PKHD1: variants seen among roughly 807,000 people sequenced by gnomAD.
The protein encoded by PKHD1 is PKHD1 ciliary IPT domain containing fibrocystin/polyductin, also known as fibrocystin.
PKHD1 carries 291 observed loss-of-function variants against 412.0 expected under a neutral mutation model. The observed-to-expected ratio is 0.71, with a 90% confidence interval of 0.64 to 0.78. PKHD1 has a LOEUF of 0.78. Among genes scored for constraint, PKHD1 ranks in the 30% least tolerant of loss-of-function variants. The pLI is 0.00. For synonymous variants in PKHD1, 1,777 were observed against 1,821.5 expected, an observed-to-expected ratio of 0.98 and a Z score of 0.62; for missense variants, 4,825 against 4,950.7, an observed-to-expected ratio of 0.97 and a Z score of 0.76.
At chr6:52,082,272 TAAC>T (rs754251225) in intron 4 of PKHD1, 117 bp downstream of exon 4, 165 of 1,017,616 alleles carry the variant, frequency 1.6e-4, no homozygotes, top group Non-Finnish European at 2.3e-4. Context: ...AAACTTTTTT[TAAC>T]AACTATGGCT....
intron 37 of PKHD1, among the ~76,000 whole-genome samples, chr6:51,915,938 A>G (rs1270268809): frequency 6.6e-6 from 1 of 152,104 alleles, no homozygotes; most frequent in Non-Finnish European, 1.5e-5. Context: ...GGCCTCAGAC[A>G]GTAAAATTTT....
At chr6:51,627,482 ATTATG>A (rs1366315851) in intron 65 of PKHD1, among the ~76,000 whole-genome samples, 2 of 151,912 alleles carry the variant, frequency 1.3e-5, no homozygotes, top group Non-Finnish European at 2.9e-5. Context: ...TTCTTGATAT[ATTATG>A]TTAAATGGCT....
At chr6:51,671,903 G>A (rs1004733040) in intron 60 of PKHD1, among the ~76,000 whole-genome samples, 36 of 152,258 alleles carry the variant, frequency 2.4e-4, no homozygotes, top group African/African-American at 3.9e-4. Flanking sequence ...TAGTCTGCCC[G>A]TTCTCAGATC....
intron 65 of PKHD1, 51 bp downstream of exon 65, chr6:51,632,514 T>C: frequency 1.4e-6 from 2 of 1,472,664 alleles, no homozygotes; most frequent in Non-Finnish European, 1.9e-6. Context: ...TTATGTATGA[T>C]GACTTTTTTT....
intron 55 of PKHD1, among the ~76,000 whole-genome samples, chr6:51,768,718 A>G (rs1360034500): frequency 1.3e-5 from 2 of 151,790 alleles, no homozygotes; most frequent in Admixed American, 6.6e-5. Flanking sequence ...AATAATATTT[A>G]ATGATTGTTG....
intron 36 of PKHD1, among the ~76,000 whole-genome samples, chr6:51,943,810 C>T (rs1165068393): frequency 1.3e-5 from 2 of 151,528 alleles, no homozygotes; most frequent in Non-Finnish European, 3.0e-5. Context: ...ACAAAACCTT[C>T]CTTCAGCTTA....
At chr6:52,013,981 C>T (rs942841294) in intron 34 of PKHD1, among the ~76,000 whole-genome samples, 1 of 152,222 alleles carries the variant, frequency 6.6e-6, no homozygotes, top group Non-Finnish European at 1.5e-5. Context: ...GCACTAAGCA[C>T]ACTGCATCAG....
intron 55 of PKHD1, among the ~76,000 whole-genome samples, chr6:51,755,439 C>T (rs1474796010): frequency 6.6e-6 from 1 of 152,100 alleles, no homozygotes. Context: ...GTGTCACTTA[C>T]CAGCTGTGTG....
chr6:52,002,652 A>G (rs984471378), intron 35 of PKHD1, among the ~76,000 whole-genome samples: 3 of 152,082 alleles, frequency 2.0e-5, no homozygotes, highest in African/African-American at 7.2e-5. Context: ...GATGCACACT[A>G]AGTGGGTCTA....
At chr6:52,007,564 T>A (rs1035752937) in intron 35 of PKHD1, among the ~76,000 whole-genome samples, 4 of 152,178 alleles carry the variant, frequency 2.6e-5, no homozygotes, top group Non-Finnish European at 4.4e-5. Context: ...CAAGCCCAGG[T>A]AGGGTAATCA....
intron 52 of PKHD1, among the ~76,000 whole-genome samples, chr6:51,823,033 T>C (rs1257013361): frequency 6.6e-6 from 1 of 152,072 alleles, no homozygotes. Context: ...TAAGAAATAG[T>C]TGTAAACTGC....
In PKHD1 at chr6:52,027,888, A is replaced by G; in HGVS notation, c.3569T>C (p.Leu1190Pro). 6.2e-7 allele frequency: 1 copy of G among 1,612,520 alleles called. No homozygotes were observed. Among genetic ancestry groups the G allele is most frequent in the Non-Finnish European group, 8.5e-7 (1 of 1,178,498 alleles). The change falls in exon 31 of 67, where the codon CTC (leucine) becomes CCC (proline). Residue 1190 changes from leucine (L) to proline (P), a missense_variant. Physicochemically the swap from Leu to Pro is moderately conservative, Grantham distance 98. Coordinates refer to ENST00000371117, the MANE Select transcript of PKHD1 (RefSeq NM_138694.4). Reference sequence around the variant, plus strand: ...AACTTCTGTGAGGTACTGGATGTGGAGATCAACCCTACAGAAGATAGGCAG... The same window carrying G: ...AACTTCTGTGAGGTACTGGATGTGGGGATCAACCCTACAGAAGATAGGCAG... The part of the protein sequence containing the change: ...GVSIHSQGVD[L>P]HIQYLTEVFS...
At chr6:51,626,882 A>G in intron 66 of PKHD1, 115 bp downstream of exon 66, 2 of 1,042,788 alleles carry the variant, frequency 1.9e-6, no homozygotes, top group Non-Finnish European at 3.0e-6. Flanking sequence ...AGTAACAAAG[A>G]CTAAGAAGGG....
chr6:51,837,480 G>A (rs907104040), intron 50 of PKHD1, among the ~76,000 whole-genome samples: 2 of 152,162 alleles, frequency 1.3e-5, no homozygotes, highest in Non-Finnish European at 1.5e-5. Context: ...GCTGAGGTGG[G>A]TGGATCACTT....
In PKHD1 at chr6:52,045,214, G is replaced by A. The variant is rs559980841; in HGVS notation, c.2593-126C>T. On this transcript the variant is annotated intron_variant, in intron 24 of 66. Coordinates refer to ENST00000371117, the MANE Select transcript of PKHD1 (RefSeq NM_138694.4). ...CAGACAGCTAGAAAGTGAAAGCAGAGTAACAGAGAATTGAAATATAGAAAC... is the reference window on the plus strand; with the variant it reads ...CAGACAGCTAGAAAGTGAAAGCAGAATAACAGAGAATTGAAATATAGAAAC... The A allele has an allele frequency of 4.0e-5, 36 of 893,664 alleles. No individual in the cohort carries two copies. In the Admixed American group the frequency reaches 5.6e-4, roughly 14 times the overall value. 55.4% of individuals were successfully genotyped at this position (893,664 alleles called of 1,614,324 possible).
chr6:51,923,695 G>T (rs564653011), intron 37 of PKHD1, among the ~76,000 whole-genome samples: 1 of 152,250 alleles, frequency 6.6e-6, no homozygotes, highest in Admixed American at 6.5e-5. Context: ...GATAAATAAC[G>T]TGTGAAAGAA....
chr6:51,776,431 A>T (rs1791037085), intron 53 of PKHD1, among the ~76,000 whole-genome samples: 1 of 152,046 alleles, frequency 6.6e-6, no homozygotes, highest in Non-Finnish European at 1.5e-5. Context: ...GCCAAGTTCA[A>T]CTAAGTCTAA....
intron 28 of PKHD1, among the ~76,000 whole-genome samples, chr6:52,035,140 T>C (rs1431853293): frequency 6.6e-6 from 1 of 152,198 alleles, no homozygotes; most frequent in African/African-American, 2.4e-5. Flanking sequence ...ACTAAGAAGA[T>C]ATTTCTTAGA....
intron 35 of PKHD1, among the ~76,000 whole-genome samples, chr6:51,977,866 G>C (rs1455960211): frequency 6.6e-6 from 1 of 152,162 alleles, no homozygotes; most frequent in Admixed American, 6.5e-5. Flanking sequence ...GTCACCTCTG[G>C]AGAGACAGGC....
Sources: gnomAD v4.1 joint callset for allele counts (sites outside exome capture counted in the v4.1 genomes callset) on GRCh38, gnomAD v4.1.1 for gene constraint, MANE v1.5 for transcripts, NCBI Gene and HGNC (gene_info 2026-07-23, HGNC 2026-07-21) for gene names.